Variants in MAP3K1 observed in about 807,000 individuals in gnomAD.
The protein encoded by MAP3K1 is MAP/ERK kinase kinase 1.
A neutral mutation model predicts 144.2 loss-of-function variants in MAP3K1; 36 were observed. The ratio of observed to expected loss-of-function variants is 0.25; its 90% confidence interval spans 0.19 to 0.33. The LOEUF (loss-of-function observed/expected upper bound fraction) is 0.33, where lower values mean the gene tolerates loss of function less well. Ranked by LOEUF, MAP3K1 falls within the 10% of genes least tolerant of loss-of-function variation. MAP3K1 has a pLI of 1.00. For synonymous variants in MAP3K1, 718 were observed against 688.7 expected, an observed-to-expected ratio of 1.04 and a Z score of -0.67; for missense variants, 1,650 against 1,881.9, an observed-to-expected ratio of 0.88 and a Z score of 2.28.
intron 9 of MAP3K1, 73 bp downstream of exon 9, chr5:56,873,078 C>T (rs1402756219): frequency 4.0e-5 from 55 of 1,386,940 alleles, no homozygotes; most frequent in Non-Finnish European, 5.0e-5. Context: ...CTCCTTCCCT[C>T]AGTTGTTCAT....
chr5:56,841,974 A>G (rs1746828474), intron 1 of MAP3K1: 1 of 152,246 alleles, frequency 6.6e-6, no homozygotes, highest in Non-Finnish European at 1.5e-5. Context: ...CAGATGGAAT[A>G]CATTAGATAA....
In MAP3K1 at chr5:56,864,703, A is replaced by G. The variant is rs576018540; in HGVS notation, c.835-31A>G. 19 of 1,610,040 alleles carry G rather than the reference A, an allele frequency of 1.2e-5. No homozygotes were observed. The East Asian group carries it at 4.2e-4, about 36-fold the overall frequency. On this transcript the variant is annotated intron_variant, in intron 3 of 19. Coordinates refer to ENST00000399503, the MANE Select transcript of MAP3K1 (RefSeq NM_005921.2). ...ATAGTTTCTTAATTAAGAAATGAGA[A>G]ACGTACCTAATAAAAAAAAATGTTG... is the stretch of plus-strand genomic sequence containing the variant.
At chr5:56,874,167 T>A (rs779553313) in intron 9 of MAP3K1, among the ~76,000 whole-genome samples, 3 of 152,192 alleles carry the variant, frequency 2.0e-5, no homozygotes, top group Admixed American at 6.5e-5. Flanking sequence ...TCCCATAATA[T>A]CCCTTTATAA....
At chr5:56,818,087 C>T (rs1438266599) in intron 1 of MAP3K1, among the ~76,000 whole-genome samples, 2 of 152,066 alleles carry the variant, frequency 1.3e-5, no homozygotes, top group African/African-American at 2.4e-5. Context: ...TGGTTTATCC[C>T]AAATGTCATA....
chr5:56,885,013 T>C (rs912071887), intron 16 of MAP3K1, among the ~76,000 whole-genome samples, 187 bp downstream of exon 16: 4 of 152,226 alleles, frequency 2.6e-5, no homozygotes, highest in African/African-American at 7.2e-5. Flanking sequence ...AAATGAAATA[T>C]TGACTACCTC....
intron 1 of MAP3K1, among the ~76,000 whole-genome samples, chr5:56,836,349 T>A (rs1032898326): frequency 2.6e-5 from 4 of 152,180 alleles, no homozygotes; most frequent in African/African-American, 9.7e-5. Context: ...ATTTTGGTGC[T>A]GGTGACATGG....
chr5:56,849,502 T>G (rs73135050), intron 1 of MAP3K1, among the ~76,000 whole-genome samples: 5,981 of 152,262 alleles, frequency 0.039, 416 homozygotes, highest in African/African-American at 0.14. Flanking sequence ...CTTTACTGAA[T>G]AAAATCTGGA....
chr5:56,833,377 A>G (rs965868935), intron 1 of MAP3K1, among the ~76,000 whole-genome samples: 2 of 152,168 alleles, frequency 1.3e-5, no homozygotes, highest in Non-Finnish European at 2.9e-5. Flanking sequence ...AGTAATTGTT[A>G]ACACTTTTGG....
At chr5:56,823,085 A>G (rs1746202701) in intron 1 of MAP3K1, among the ~76,000 whole-genome samples, 1 of 152,260 alleles carries the variant, frequency 6.6e-6, no homozygotes, top group South Asian at 2.1e-4. Flanking sequence ...AAATCTGATC[A>G]TAACTTCCTC....
chr5:56,821,455 G>A (rs1746150518), intron 1 of MAP3K1, among the ~76,000 whole-genome samples: 1 of 152,208 alleles, frequency 6.6e-6, no homozygotes, highest in Admixed American at 6.5e-5. Context: ...CGTTAACTAA[G>A]TTCATCACTT....
At position 56,815,750 on chromosome 5, in the gene MAP3K1, G is replaced by A; in HGVS notation, c.177G>A (p.Arg59=). The stretch of plus-strand genomic sequence containing the variant: ...GCCGCGAGCGGGCGGACTGGCGGCG[G>A]CGGCAGCTGCGCAAAGTGCGGAGTG... ...SGGRERADWR[R]RQLRKVRSVE... Residue 59 remains arginine (R), a synonymous_variant, in exon 1 of 20, where the codon CGG becomes CGA. Transcript: ENST00000399503. 1 of 1,369,166 alleles carries A rather than the reference G, an allele frequency of 7.3e-7. No individual in the cohort carries two copies. The highest frequency in any genetic ancestry group is 3.2e-5 in the East Asian group (1 of 31,502). The allele number at this position is 1,369,166 out of a possible 1,614,324, so 84.8% of individuals were successfully genotyped here. A position where few individuals can be genotyped will look rare whatever the true frequency, so the allele number is the denominator to read the frequency against.
chr5:56,843,531 T>G (rs1258980056), intron 1 of MAP3K1, among the ~76,000 whole-genome samples: 1 of 152,178 alleles, frequency 6.6e-6, no homozygotes, highest in Non-Finnish European at 1.5e-5. Flanking sequence ...CCAAGGTTTT[T>G]TGGTTTGGTT....
intron 18 of MAP3K1, 112 bp from the exon 19 acceptor site, chr5:56,888,114 C>T (rs832547): frequency 6.6e-6 from 6 of 913,616 alleles, no homozygotes; most frequent in Non-Finnish European, 1.1e-5. Flanking sequence ...CCACAGAATT[C>T]CTGTTTGTAC....
intron 6 of MAP3K1, among the ~76,000 whole-genome samples, chr5:56,869,597 A>G (rs1253500610): frequency 6.6e-6 from 1 of 152,230 alleles, no homozygotes; most frequent in Non-Finnish European, 1.5e-5. Flanking sequence ...AATGCTTACA[A>G]AATATGTACT....
chr5:56,854,801 A>T (rs926438355), intron 1 of MAP3K1, among the ~76,000 whole-genome samples: 2 of 152,224 alleles, frequency 1.3e-5, no homozygotes, highest in African/African-American at 4.8e-5. Flanking sequence ...ACCAGAGGAA[A>T]GACTATCAAG....
intron 15 of MAP3K1, 103 bp downstream of exon 15, chr5:56,883,782 C>G (rs746599447): frequency 2.5e-6 from 3 of 1,212,846 alleles, no homozygotes; most frequent in Non-Finnish European, 3.6e-6. Context: ...TACTTTAGTT[C>G]TTTAAACTTT....
chr5:56,869,324 A>G (rs1487641586), intron 6 of MAP3K1, among the ~76,000 whole-genome samples: 1 of 152,116 alleles, frequency 6.6e-6, no homozygotes, highest in Non-Finnish European at 1.5e-5. Flanking sequence ...ATCATGGAAA[A>G]TGGTGTTTAA....
intron 11 of MAP3K1, 150 bp from the exon 12 acceptor site, chr5:56,880,561 C>T (rs1748173964): frequency 1.4e-6 from 1 of 694,706 alleles, no homozygotes; most frequent in East Asian, 2.8e-5. Flanking sequence ...CTTATGGTGA[C>T]ATTGTTAATA....
In MAP3K1 at chr5:56,894,761, G is replaced by C. The variant is rs1395868924; in HGVS notation, c.*1081G>C. On this transcript the variant is annotated 3_prime_UTR_variant, in exon 20 of 20. Transcript: ENST00000399503. ...GCATCATCTCTTTACAGTAGGCCTGGCAGATCATTTTTTAAAAAGATTATT... is the reference window on the plus strand; with the variant it reads ...GCATCATCTCTTTACAGTAGGCCTGCCAGATCATTTTTTAAAAAGATTATT... 4.3e-6 allele frequency: 1 copy of C among 231,940 alleles called. No individual in the cohort carries two copies. The highest frequency in any genetic ancestry group is 2.2e-5 in the African/African-American group (1 of 45,264). 14.4% of individuals were successfully genotyped at this position (231,940 alleles called of 1,614,324 possible).
Sources: allele counts gnomAD v4.1 joint callset (sites outside exome capture counted in the v4.1 genomes callset), GRCh38; gene constraint gnomAD v4.1.1; transcripts MANE v1.5; gene names NCBI Gene and HGNC (gene_info 2026-07-23, HGNC 2026-07-21).